Variants in CTNNA3 observed in about 807,000 individuals in gnomAD.
The protein encoded by CTNNA3 is catenin alpha-3.
CTNNA3 carries 76 observed loss-of-function variants against 95.7 expected under a neutral mutation model. The ratio of observed to expected loss-of-function variants is 0.79; its 90% CI spans 0.66 to 0.96. The LOEUF (loss-of-function observed/expected upper bound fraction) is 0.96. CTNNA3 is among the 40% of genes least tolerant of loss of function. The pLI is 0.00. For synonymous variants in CTNNA3, 431 were observed against 374.4 expected (o/e 1.15, Z -1.74); for missense variants, 1,191 against 1,089.8 (o/e 1.09, Z -1.31).
intron 9 of CTNNA3, among the ~76,000 whole-genome samples, chr10:66,633,256 C>T (rs1311364867): frequency 6.6e-6 from 1 of 151,946 alleles, no homozygotes; most frequent in Non-Finnish European, 1.5e-5. Flanking sequence ...AAATATTTAA[C>T]AGTGGAGAAT....
At chr10:66,270,061 T>A (rs2091243206) in intron 13 of CTNNA3, among the ~76,000 whole-genome samples, 1 of 152,182 alleles carries the variant, frequency 6.6e-6, no homozygotes, top group African/African-American at 2.4e-5. Context: ...TATCTCAAGG[T>A]AGTTTCTACT....
chr10:65,966,878 C>T (rs180726034), intron 16 of CTNNA3, 132 bp from the exon 17 acceptor site: 27 of 566,542 alleles, frequency 4.8e-5, no homozygotes, highest in Admixed American at 9.7e-5. Context: ...GACCAAGTAG[C>T]TTCTGATATG....
intron 12 of CTNNA3, among the ~76,000 whole-genome samples, chr10:66,326,338 T>C (rs2092253873): frequency 6.6e-6 from 1 of 152,072 alleles, no homozygotes; most frequent in Non-Finnish European, 1.5e-5. Context: ...AAGAGTTTCA[T>C]ATAAGGCAGA....
chr10:66,760,309 C>G (rs1018402543), intron 9 of CTNNA3, among the ~76,000 whole-genome samples: 1 of 152,140 alleles, frequency 6.6e-6, no homozygotes, highest in Non-Finnish European at 1.5e-5. Flanking sequence ...GCCTGATAAT[C>G]AAATATTTAA....
At chr10:67,339,856 T>C (rs188665682) in intron 5 of CTNNA3, among the ~76,000 whole-genome samples, 2 of 152,292 alleles carry the variant, frequency 1.3e-5, no homozygotes, top group African/African-American at 4.8e-5. Context: ...AAAATTGTAA[T>C]AAATAAGAAC....
At chr10:66,160,667 T>A (rs779447342) in intron 13 of CTNNA3, among the ~76,000 whole-genome samples, 1 of 152,156 alleles carries the variant, frequency 6.6e-6, no homozygotes, top group South Asian at 2.1e-4. Context: ...GGTTGTGAGA[T>A]GAAATGTTCT....
rs970091199 is a variant in CTNNA3 at position 66,390,851 on chromosome 10, T to C, written c.1532-11499A>G. ...CTAGCTTGAGAATACAGAGTATGCA[T>C]ACAGTTAAATGTAAAATGTAAAGTC... On this transcript the variant is annotated intron_variant, in intron 11 of 17. Transcript: ENST00000433211. Among the ~76,000 whole-genome samples, 3 of 152,148 alleles carry C rather than the reference T, an allele frequency of 2.0e-5. No individual in the cohort carries two copies. In the South Asian group the frequency reaches 6.2e-4, roughly 31 times the overall value.
chr10:67,686,359 T>A (rs1394691666), intron 1 of CTNNA3, among the ~76,000 whole-genome samples: 3 of 152,168 alleles, frequency 2.0e-5, no homozygotes, highest in Non-Finnish European at 2.9e-5. Context: ...TAGGTTAAGG[T>A]CAGGATTAGC....
intron 5 of CTNNA3, among the ~76,000 whole-genome samples, chr10:67,259,863 G>T (rs1403395275): frequency 6.6e-6 from 1 of 152,082 alleles, no homozygotes; most frequent in Non-Finnish European, 1.5e-5. Context: ...GTGTAATTGG[G>T]ATAGTGTTGG....
intron 13 of CTNNA3, among the ~76,000 whole-genome samples, chr10:66,252,663 C>G (rs1285288502): frequency 6.6e-6 from 1 of 152,012 alleles, no homozygotes; most frequent in African/African-American, 2.4e-5. Flanking sequence ...GGCATCCAAA[C>G]AAAGAACCAA....
chr10:66,028,083 G>C (rs2079376884), intron 15 of CTNNA3, among the ~76,000 whole-genome samples: 1 of 152,078 alleles, frequency 6.6e-6, no homozygotes, highest in Non-Finnish European at 1.5e-5. Context: ...AGCGATCCAA[G>C]CATTACCATA....
intron 13 of CTNNA3, among the ~76,000 whole-genome samples, chr10:66,267,987 C>G (rs1307483799): frequency 6.6e-6 from 1 of 151,828 alleles, no homozygotes; most frequent in Non-Finnish European, 1.5e-5. Flanking sequence ...ATTTAAGACT[C>G]TTTGGATTGG....
intron 1 of CTNNA3, among the ~76,000 whole-genome samples, chr10:67,726,455 T>C (rs1194020860): frequency 1.5e-5 from 1 of 66,592 alleles, no homozygotes; most frequent in Admixed American, 2.8e-4. Flanking sequence ...TAATATTATA[T>C]ATGATATATG....
chr10:66,889,254 G>T (rs1211829899), intron 7 of CTNNA3, among the ~76,000 whole-genome samples: 1 of 152,178 alleles, frequency 6.6e-6, no homozygotes. Context: ...GGACACAGAA[G>T]ATTCTTAGAG....
At chr10:66,764,031 G>A (rs1257768676) in intron 9 of CTNNA3, among the ~76,000 whole-genome samples, 1 of 152,056 alleles carries the variant, frequency 6.6e-6, no homozygotes, top group African/African-American at 2.4e-5. Flanking sequence ...ATTTCAGGAT[G>A]GTTTGTTATA....
chr10:67,216,052 C>A (rs181157609), intron 6 of CTNNA3, among the ~76,000 whole-genome samples: 6 of 152,104 alleles, frequency 3.9e-5, no homozygotes, highest in Non-Finnish European at 7.4e-5. Flanking sequence ...AGAAACCAAA[C>A]CATTTTTTAA....
intron 7 of CTNNA3, among the ~76,000 whole-genome samples, chr10:66,936,821 G>A (rs569193366): frequency 1.6e-4 from 24 of 152,252 alleles, no homozygotes; most frequent in Middle Eastern, 3.4e-3. Context: ...CTCCCAGAGT[G>A]AGAGCAGGAT....
chr10:65,975,160 T>C (rs1351757970), intron 16 of CTNNA3, among the ~76,000 whole-genome samples: 1 of 152,098 alleles, frequency 6.6e-6, no homozygotes, highest in African/African-American at 2.4e-5. Context: ...TAGCAAAGAA[T>C]TCAACTCTTC....
intron 5 of CTNNA3, among the ~76,000 whole-genome samples, chr10:67,342,471 T>C (rs1489268818): frequency 6.6e-6 from 1 of 152,176 alleles, no homozygotes; most frequent in East Asian, 1.9e-4. Context: ...TGTTTTGTTT[T>C]AGGTGCCTGT....
Sources: gnomAD v4.1 joint callset for allele counts (sites outside exome capture counted in the v4.1 genomes callset) on GRCh38, gnomAD v4.1.1 for gene constraint, MANE v1.5 for transcripts, NCBI Gene and HGNC (gene_info 2026-07-23, HGNC 2026-07-21) for gene names.